Variants in UNC79 observed in about 807,000 individuals in gnomAD.
UNC79 encodes unc-79 subunit of NALCN channel complex, also known as protein unc-79 homolog.
A neutral mutation model predicts 283.1 loss-of-function variants in UNC79; 37 were observed. That is an observed-to-expected ratio of 0.13 (90% CI 0.10 to 0.17). UNC79 has a LOEUF of 0.17. Ranked by LOEUF, UNC79 falls within the 10% of genes least tolerant of loss-of-function variation. The pLI, the probability that UNC79 is intolerant of heterozygous loss-of-function variation, is 1.00. For synonymous variants in UNC79, 1,107 were observed against 1,200.2 expected, an observed-to-expected ratio of 0.92 and a Z score of 1.61; for missense variants, 2,272 against 3,211.1, an observed-to-expected ratio of 0.71 and a Z score of 7.07.
At chr14:93,614,473 C>T (rs957527645) in intron 27 of UNC79, among the ~76,000 whole-genome samples, 10 of 151,946 alleles carry the variant, frequency 6.6e-5, no homozygotes, top group African/African-American at 2.4e-4. Context: ...CCCGCCACCA[C>T]GCTTAGCTAA....
intron 47 of UNC79, among the ~76,000 whole-genome samples, chr14:93,704,220 A>G (rs1353350529): frequency 1.3e-5 from 2 of 152,210 alleles, no homozygotes; most frequent in African/African-American, 4.8e-5. Context: ...CTGACCAGAG[A>G]TATTTTCTTA....
intron 1 of UNC79, among the ~76,000 whole-genome samples, chr14:93,389,274 A>T (rs1429949881): frequency 6.6e-6 from 1 of 152,192 alleles, no homozygotes; most frequent in East Asian, 1.9e-4. Context: ...ATTAAAAGTA[A>T]ACTTCTACCT....
intron 22 of UNC79, among the ~76,000 whole-genome samples, chr14:93,590,587 A>T (rs1001919089): frequency 1.1e-4 from 17 of 152,298 alleles, no homozygotes; most frequent in Admixed American, 1.1e-3. Context: ...TGTTAGTGCC[A>T]TGGGACTACC....
At chr14:93,347,463 G>A in intron 1 of UNC79, 2 of 1,378,334 alleles carry the variant, frequency 1.5e-6, no homozygotes, top group Non-Finnish European at 1.9e-6. Context: ...CCGACGGGTG[G>A]GGAGAAGGGA....
rs910860020 is a variant in UNC79 at position 93,580,089 on chromosome 14, CCTT to C, written c.2434-50_2434-48del. 248 of 1,458,930 alleles carry C rather than the reference CCTT, an allele frequency of 1.7e-4. 1 individual carries two copies. Among genetic ancestry groups the C allele is most frequent in the Admixed American group, 3.6e-4 (17 of 46,882 alleles). The allele number at this position is 1,458,930 out of a possible 1,614,324, so 90.4% of individuals were successfully genotyped here. A position where few individuals can be genotyped will look rare whatever the true frequency, so the allele number is the denominator to read the frequency against. ...GAATATTGGACAAATGGACCAAACT[CCTT>C]CTTCTTCTTTTTTTTTTGTGTGTGT... On this transcript the variant is annotated intron_variant, in intron 18 of 48. Transcript: ENST00000555664.
At chr14:93,505,678 A>G (rs1266990307) in intron 7 of UNC79, among the ~76,000 whole-genome samples, 4 of 150,028 alleles carry the variant, frequency 2.7e-5, no homozygotes, top group Non-Finnish European at 5.9e-5. Context: ...TAAATCCACA[A>G]TTTTCTATTG....
chr14:93,666,335 A>C (rs1225682244), intron 40 of UNC79, among the ~76,000 whole-genome samples: 1 of 152,178 alleles, frequency 6.6e-6, no homozygotes, highest in East Asian at 1.9e-4. Flanking sequence ...ATATAAGTTT[A>C]CTAGACTCAC....
intron 5 of UNC79, among the ~76,000 whole-genome samples, 161 bp downstream of exon 5, chr14:93,487,916 TAGC>T (rs1172947893): frequency 6.6e-6 from 1 of 152,248 alleles, no homozygotes; most frequent in Non-Finnish European, 1.5e-5. Flanking sequence ...CTATTGCTAT[TAGC>T]AGTGATCCTG....
At chr14:93,645,669 T>G (rs906429560) in intron 34 of UNC79, among the ~76,000 whole-genome samples, 11 of 152,316 alleles carry the variant, frequency 7.2e-5, no homozygotes, top group African/African-American at 2.6e-4. Flanking sequence ...TCTCATACTT[T>G]GCTGTCTGCT....
intron 16 of UNC79, 133 bp downstream of exon 16, chr14:93,572,949 C>T: frequency 9.3e-7 from 1 of 1,078,648 alleles, no homozygotes; most frequent in Admixed American, 3.0e-5. Context: ...AGTGTATCTC[C>T]TATGCATAGA....
At chr14:93,660,563 A>ATATATATGTGTGTGTGTG (rs1203621990) in intron 39 of UNC79, among the ~76,000 whole-genome samples, 8 of 64,786 alleles carry the variant, frequency 1.2e-4, no homozygotes, top group African/African-American at 3.2e-4. Context: ...ATATATATAT[A>ATATATATGTGTGTGTGTG]TGTGTGTGTG....
At chr14:93,512,343 T>G (rs1043545475) in intron 7 of UNC79, among the ~76,000 whole-genome samples, 1 of 152,186 alleles carries the variant, frequency 6.6e-6, no homozygotes, top group Admixed American at 6.5e-5. Flanking sequence ...TTTAGTACTT[T>G]CATTATGTTC....
intron 1 of UNC79, among the ~76,000 whole-genome samples, chr14:93,404,561 A>C (rs1439411335): frequency 5.7e-5 from 8 of 141,480 alleles, no homozygotes; most frequent in Non-Finnish European, 6.1e-5. Flanking sequence ...ATATGTAATC[A>C]GTAAAACATA....
chr14:93,529,648 A>C (rs1046417800), intron 10 of UNC79, among the ~76,000 whole-genome samples: 4 of 152,194 alleles, frequency 2.6e-5, no homozygotes, highest in Non-Finnish European at 4.4e-5. Context: ...AAGTTGCTGC[A>C]CCAGGTCTTA....
chr14:93,466,917 A>C, intron 1 of UNC79: 1 of 985,352 alleles, frequency 1.0e-6, no homozygotes, highest in Non-Finnish European at 1.2e-6. Flanking sequence ...TAGGAGGGTA[A>C]ATAAATCTAT....
chr14:93,704,735 G>C (rs2075755948), intron 48 of UNC79, 69 bp downstream of exon 51: 1 of 1,556,360 alleles, frequency 6.4e-7, no homozygotes, highest in Non-Finnish European at 8.9e-7. Context: ...CCTAGGGATT[G>C]TTGATGCTCC....
At chr14:93,588,824 A>C (rs958082724) in intron 22 of UNC79, among the ~76,000 whole-genome samples, 7 of 151,710 alleles carry the variant, frequency 4.6e-5, no homozygotes, top group Admixed American at 2.0e-4. Flanking sequence ...GAAAGAAAAC[A>C]GTTAGTGGGT....
intron 14 of UNC79, among the ~76,000 whole-genome samples, chr14:93,551,731 G>C (rs2061910958): frequency 6.6e-6 from 1 of 152,222 alleles, no homozygotes; most frequent in Admixed American, 6.5e-5. Flanking sequence ...TTTGAGATCA[G>C]TGGGAATGTA....
intron 1 of UNC79, among the ~76,000 whole-genome samples, chr14:93,388,693 A>G (rs1189037099): frequency 1.3e-5 from 2 of 152,198 alleles, no homozygotes; most frequent in Non-Finnish European, 2.9e-5. Flanking sequence ...AATAAAGACC[A>G]CTTTCCTGGA....
Sources: gnomAD v4.1 joint callset for allele counts (sites outside exome capture counted in the v4.1 genomes callset) on GRCh38, gnomAD v4.1.1 for gene constraint, MANE v1.5 for transcripts, NCBI Gene and HGNC (gene_info 2026-07-23, HGNC 2026-07-21) for gene names.